The following UBE2D1 variants were observed in gnomAD, a reference collection of about 807,000 sequenced individuals.
UBE2D1 encodes ubiquitin-conjugating enzyme E2 D1.
In UBE2D1, 9 loss-of-function variants were observed where a neutral mutation model predicts 24.6. That is an observed-to-expected ratio of 0.37 (90% CI 0.22 to 0.64). The LOEUF is 0.64. Ranked by LOEUF, UBE2D1 falls within the 30% of genes least tolerant of loss-of-function variation. The pLI is 0.64. For missense variants in UBE2D1, 87 were observed against 177.1 expected (o/e 0.49, Z 2.89); for synonymous variants, 57 against 57.6 (o/e 0.99, Z 0.04).
intron 1 of UBE2D1, among the ~76,000 whole-genome samples, chr10:58,346,663 T>C (rs1220318263): frequency 6.6e-6 from 1 of 152,294 alleles, no homozygotes; most frequent in East Asian, 1.9e-4. Flanking sequence ...GTTGCAGATA[T>C]GACGCTAGAA....
chr10:58,340,812 C>T (rs192426170), intron 1 of UBE2D1, among the ~76,000 whole-genome samples: 5 of 152,236 alleles, frequency 3.3e-5, no homozygotes, highest in Admixed American at 3.3e-4. Context: ...TATGTAATTC[C>T]ATATTCTTAA....
intron 1 of UBE2D1, among the ~76,000 whole-genome samples, chr10:58,342,198 C>T (rs1032977790): frequency 2.0e-5 from 3 of 152,202 alleles, no homozygotes; most frequent in Non-Finnish European, 2.9e-5. Context: ...AGCATACAGT[C>T]TAGTGCTGTC....
intron 1 of UBE2D1, among the ~76,000 whole-genome samples, chr10:58,337,896 G>C (rs192804369): frequency 3.0e-4 from 45 of 152,158 alleles, no homozygotes; most frequent in African/African-American, 1.1e-3. Flanking sequence ...TCCCAGGCTG[G>C]AGTGCAGTGG....
intron 1 of UBE2D1, among the ~76,000 whole-genome samples, chr10:58,336,325 A>G (rs1304272734): frequency 6.6e-6 from 1 of 152,196 alleles, no homozygotes; most frequent in Non-Finnish European, 1.5e-5. Flanking sequence ...GTTGTTTCAG[A>G]AGAAATTGAT....
intron 1 of UBE2D1, among the ~76,000 whole-genome samples, chr10:58,350,406 C>T (rs1355601189): frequency 2.0e-5 from 3 of 151,890 alleles, no homozygotes; most frequent in Admixed American, 1.3e-4. Flanking sequence ...GTGTATTGGC[C>T]ATTTGGGTAG....
intron 1 of UBE2D1, among the ~76,000 whole-genome samples, chr10:58,337,759 A>G (rs1382340758): frequency 6.6e-6 from 1 of 152,166 alleles, no homozygotes; most frequent in Non-Finnish European, 1.5e-5. Flanking sequence ...TGGGGTGGAA[A>G]GAAGACTGAG....
chr10:58,352,360 G>A (rs775278276), intron 1 of UBE2D1, among the ~76,000 whole-genome samples: 2 of 152,046 alleles, frequency 1.3e-5, no homozygotes, highest in African/African-American at 2.4e-5. Flanking sequence ...CTCACTTTGG[G>A]GCCTGTGTGA....
At chr10:58,336,098 T>C (rs1839901109) in intron 1 of UBE2D1, among the ~76,000 whole-genome samples, 1 of 152,240 alleles carries the variant, frequency 6.6e-6, no homozygotes, top group African/African-American at 2.4e-5. Context: ...ATCGTCTTTT[T>C]TTCACAGTAT....
chr10:58,362,201 A>G (rs74398168), intron 3 of UBE2D1, among the ~76,000 whole-genome samples: 7,500 of 152,256 alleles, frequency 0.049, 365 homozygotes, highest in African/African-American at 0.13. Context: ...AAGAATGAGC[A>G]CTGACAGCTC....
intron 1 of UBE2D1, among the ~76,000 whole-genome samples, chr10:58,351,198 A>G (rs139061607): frequency 2.6e-4 from 40 of 152,336 alleles, no homozygotes; most frequent in African/African-American, 9.1e-4. Flanking sequence ...TAGTATATAC[A>G]CATTTATATG....
chr10:58,368,632 G>T, intron 6 of UBE2D1, 88 bp from the exon 7 acceptor site: 1 of 818,936 alleles, frequency 1.2e-6, no homozygotes, highest in African/African-American at 1.8e-5. Context: ...TTAAGTATAA[G>T]AAGGTAGAAT....
chr10:58,368,811 G>GT lies in UBE2D1; in HGVS notation c.*53dup, dbSNP rs760115767. The GT allele has an allele frequency of 2.9e-6, 4 of 1,387,826 alleles. No individual in the cohort carries two copies. The highest frequency in any genetic ancestry group is 2.8e-5 in the South Asian group (2 of 72,570). 86.0% of individuals were successfully genotyped at this position (1,387,826 alleles called of 1,614,324 possible). On this transcript the variant is annotated 3_prime_UTR_variant, in exon 7 of 7. Transcript: ENST00000373910. Reference sequence around the variant, plus strand: ...TATACCAGAGTACTGTAAAATCTAGGTTTTTTTCAACATTAGCAGTAAATT... The same window carrying GT: ...TATACCAGAGTACTGTAAAATCTAGGTTTTTTTTCAACATTAGCAGTAAATT...
At chr10:58,340,118 G>T (rs1839947281) in intron 1 of UBE2D1, among the ~76,000 whole-genome samples, 1 of 152,188 alleles carries the variant, frequency 6.6e-6, no homozygotes, top group African/African-American at 2.4e-5. Flanking sequence ...ATTGAGATGT[G>T]CTGAAGTGTA....
chr10:58,336,524 T>C (rs536691638), intron 1 of UBE2D1, among the ~76,000 whole-genome samples: 1 of 152,334 alleles, frequency 6.6e-6, no homozygotes, highest in Non-Finnish European at 1.5e-5. Flanking sequence ...TCACCTGTTA[T>C]TTTTTGTGCC....
intron 1 of UBE2D1, 67 bp from the exon 2 acceptor site, chr10:58,361,271 T>G: frequency 6.6e-7 from 1 of 1,520,440 alleles, no homozygotes; most frequent in South Asian, 1.1e-5. Flanking sequence ...TGCATCTTAA[T>G]GGATCATTAC....
intron 1 of UBE2D1, among the ~76,000 whole-genome samples, chr10:58,358,768 C>CTT (rs943069728): frequency 4.1e-5 from 6 of 146,422 alleles, no homozygotes; most frequent in African/African-American, 1.5e-4. Context: ...TTTTCTTTTT[C>CTT]TTTTTTTTTT....
chr10:58,352,104 C>T (rs969888910), intron 1 of UBE2D1, among the ~76,000 whole-genome samples: 1 of 151,970 alleles, frequency 6.6e-6, no homozygotes, highest in Non-Finnish European at 1.5e-5. Flanking sequence ...TTTTTGAGTT[C>T]TGGGTTTCAC....
chr10:58,367,608 A>C (rs1840270708), intron 5 of UBE2D1, among the ~76,000 whole-genome samples: 1 of 152,158 alleles, frequency 6.6e-6, no homozygotes, highest in South Asian at 2.1e-4. Flanking sequence ...TGTTCTGTAG[A>C]GAACTCTCAA....
At chr10:58,352,837 G>A (rs1840091954) in intron 1 of UBE2D1, among the ~76,000 whole-genome samples, 1 of 151,958 alleles carries the variant, frequency 6.6e-6, no homozygotes, top group African/African-American at 2.4e-5. Flanking sequence ...GATTTAGAAG[G>A]TAGTTTACAT....
Sources: gnomAD v4.1 joint callset for allele counts (sites outside exome capture counted in the v4.1 genomes callset) on GRCh38, gnomAD v4.1.1 for gene constraint, MANE v1.5 for transcripts, NCBI Gene and HGNC (gene_info 2026-07-23, HGNC 2026-07-21) for gene names.